Variants in ABCA12 observed in about 807,000 individuals in gnomAD.
ABCA12 encodes glucosylceramide transporter ABCA12.
In ABCA12, 156 loss-of-function variants were observed where a neutral mutation model predicts 293.5. The ratio of observed to expected loss-of-function variants is 0.53; its 90% CI spans 0.47 to 0.61. The LOEUF (loss-of-function observed/expected upper bound fraction) is 0.61. Among genes scored for constraint, ABCA12 ranks in the 20% least tolerant of loss-of-function variants. The probability of loss-of-function intolerance (pLI) is 0.00; values close to 1 mark genes in which losing one functional copy is unlikely to be tolerated. For missense variants in ABCA12, 2,797 were observed against 3,090.2 expected, an observed-to-expected ratio of 0.91 and a Z score of 2.25; for synonymous variants, 1,063 against 1,108.0, an observed-to-expected ratio of 0.96 and a Z score of 0.81.
chr2:215,021,023 G>A (rs1700619632), intron 11 of ABCA12, among the ~76,000 whole-genome samples: 1 of 152,124 alleles, frequency 6.6e-6, no homozygotes, highest in African/African-American at 2.4e-5. Context: ...CTAATGTTTT[G>A]TATTTTTTGT....
At chr2:214,946,613 T>C (rs1698590775) in intron 48 of ABCA12, among the ~76,000 whole-genome samples, 1 of 152,194 alleles carries the variant, frequency 6.6e-6, no homozygotes, top group Admixed American at 6.6e-5. Flanking sequence ...ATCCACTGTA[T>C]GACTTAATCC....
intron 23 of ABCA12, among the ~76,000 whole-genome samples, chr2:214,994,469 G>A (rs957686200): frequency 6.6e-6 from 1 of 152,224 alleles, no homozygotes; most frequent in Admixed American, 6.5e-5. Flanking sequence ...CCACATTCAT[G>A]AGAAGCTTAT....
intron 7 of ABCA12, among the ~76,000 whole-genome samples, chr2:215,045,583 C>T (rs1468158649): frequency 1.3e-5 from 2 of 152,146 alleles, no homozygotes; most frequent in African/African-American, 2.4e-5. Context: ...AGAAGCTCTG[C>T]GATACCCAGT....
intron 3 of ABCA12, among the ~76,000 whole-genome samples, chr2:215,062,879 T>C (rs1324725670): frequency 1.3e-5 from 2 of 152,062 alleles, no homozygotes; most frequent in African/African-American, 2.4e-5. Context: ...TTATGCTATT[T>C]ATTTATTTGA....
chr2:214,935,734 C>T (rs1200831000), intron 51 of ABCA12, among the ~76,000 whole-genome samples: 1 of 152,044 alleles, frequency 6.6e-6, no homozygotes, highest in African/African-American at 2.4e-5. Context: ...GAGTTCAAGG[C>T]TGCACTGAGC....
intron 9 of ABCA12, chr2:215,030,074 A>G (rs937635207): frequency 6.6e-6 from 1 of 152,212 alleles, no homozygotes; most frequent in South Asian, 2.1e-4. Context: ...ACAAGAGCCA[A>G]CTTAGAAGTA....
At chr2:214,978,210 G>T in intron 33 of ABCA12, 106 bp downstream of exon 33, 1 of 1,327,812 alleles carries the variant, frequency 7.5e-7, no homozygotes, top group Non-Finnish European at 1.1e-6. Context: ...TTTGAATTTA[G>T]AATGAAACTT....
At chr2:215,117,458 G>A in intron 1 of ABCA12, among the ~76,000 whole-genome samples, 1 of 152,090 alleles carries the variant, frequency 6.6e-6, no homozygotes. Flanking sequence ...TTCATTTAAA[G>A]CTAATCTGCA....
intron 34 of ABCA12, 57 bp from the exon 35 acceptor site, chr2:214,974,921 A>C: frequency 1.4e-6 from 2 of 1,426,974 alleles, no homozygotes; most frequent in Non-Finnish European, 2.0e-6. Flanking sequence ...CTCCCATATT[A>C]AAATCATGCT....
intron 3 of ABCA12, among the ~76,000 whole-genome samples, chr2:215,061,383 A>G (rs551272520): frequency 2.6e-5 from 4 of 152,188 alleles, no homozygotes; most frequent in Admixed American, 1.3e-4. Flanking sequence ...TCAGAAGAGC[A>G]TTCTATTAAA....
intron 5 of ABCA12, among the ~76,000 whole-genome samples, chr2:215,051,922 A>G (rs1294338665): frequency 6.6e-6 from 1 of 152,124 alleles, no homozygotes; most frequent in Non-Finnish European, 1.5e-5. Flanking sequence ...ACACACACTC[A>G]CACACACATT....
chr2:214,951,194 A>G, intron 44 of ABCA12, 111 bp from the exon 45 acceptor site: 1 of 939,578 alleles, frequency 1.1e-6, no homozygotes, highest in Non-Finnish European at 1.7e-6. Context: ...TCATCATTAG[A>G]CTTCTTTTAC....
At chr2:215,060,826 T>C (rs1350215781) in intron 3 of ABCA12, among the ~76,000 whole-genome samples, 1 of 152,050 alleles carries the variant, frequency 6.6e-6, no homozygotes. Context: ...TTGACCCGAC[T>C]AAACTCTGAT....
chr2:214,946,657 G>A (rs1698591975), intron 48 of ABCA12, among the ~76,000 whole-genome samples: 1 of 152,112 alleles, frequency 6.6e-6, no homozygotes. Context: ...GCTGCATTAT[G>A]ATTCCTTATA....
chr2:215,134,354 A>G (rs755155745), intron 1 of ABCA12, among the ~76,000 whole-genome samples: 11 of 141,248 alleles, frequency 7.8e-5, no homozygotes, highest in Non-Finnish European at 1.5e-4. Context: ...ATATGTGTAT[A>G]TATGTATATG....
intron 18 of ABCA12, among the ~76,000 whole-genome samples, chr2:215,008,525 T>C (rs1345864571): frequency 6.6e-6 from 1 of 152,056 alleles, no homozygotes; most frequent in East Asian, 1.9e-4. Flanking sequence ...ATTATACCTA[T>C]TGAGTTGGAA....
chr2:214,992,461 T>G (rs909612877), intron 23 of ABCA12, among the ~76,000 whole-genome samples: 46 of 3,608 alleles, frequency 0.013, no homozygotes, highest in African/African-American at 0.035. Flanking sequence ...AAAAAAAAAA[T>G]GAAAAAAAAA....
intron 2 of ABCA12, among the ~76,000 whole-genome samples, chr2:215,085,053 C>A: frequency 7.1e-6 from 1 of 140,320 alleles, no homozygotes. Flanking sequence ...GAGATCATGC[C>A]ACTGCACTCC....
intron 40 of ABCA12, 101 bp downstream of exon 40, chr2:214,958,923 G>T (rs1699033800): frequency 1.6e-6 from 2 of 1,221,820 alleles, no homozygotes; most frequent in South Asian, 1.2e-5. Flanking sequence ...CTTCTAGATT[G>T]ACATTCATTC....
Sources: allele counts gnomAD v4.1 joint callset (sites outside exome capture counted in the v4.1 genomes callset), GRCh38; gene constraint gnomAD v4.1.1; transcripts MANE v1.5; gene names NCBI Gene and HGNC (gene_info 2026-07-23, HGNC 2026-07-21).